PROM1: variants seen among roughly 807,000 people sequenced by gnomAD.
PROM1 encodes the protein prominin-1.
A neutral mutation model predicts 116.9 loss-of-function variants in PROM1; 105 were observed. That is an observed-to-expected ratio of 0.90 (90% CI 0.77 to 1.06). The LOEUF (loss-of-function observed/expected upper bound fraction) is 1.06. Ranked by LOEUF, PROM1 falls within the 50% of genes least tolerant of loss-of-function variation. The pLI is 0.00. For synonymous variants in PROM1, 393 were observed against 387.0 expected (o/e 1.02, Z -0.18); for missense variants, 1,122 against 1,045.2 (o/e 1.07, Z -1.01).
At chr4:16,012,480 C>T (rs2149268495) in intron 11 of PROM1, among the ~76,000 whole-genome samples, 1 of 152,300 alleles carries the variant, frequency 6.6e-6, no homozygotes, top group East Asian at 1.9e-4. Flanking sequence ...TTGTAAGCAA[C>T]CTAAGGAGCC....
At chr4:15,986,100 G>C in intron 20 of PROM1, 63 bp from the exon 21 acceptor site, 3 of 1,208,312 alleles carry the variant, frequency 2.5e-6, no homozygotes, top group Middle Eastern at 1.9e-4. Context: ...TAGACAATTT[G>C]CATATTGATT....
chr4:15,979,010 A>AGAAG (rs3839177), intron 26 of PROM1, among the ~76,000 whole-genome samples: 73,042 of 148,258 alleles, frequency 0.49, 17,912 homozygotes, highest in African/African-American at 0.58. Context: ...AAGGAAGGAA[A>AGAAG]GAAGGAAGGA....
rs950901622 is a variant in PROM1 at position 15,970,268 on chromosome 4, C to T, written c.*24+775G>A. On this transcript the variant is annotated intron_variant, in intron 27 of 27. Transcript: ENST00000447510. ...GCAACCTCTGCCTCCCAGGTTGAAG[C>T]GATTCTCCTGCCTTGGCCTCCTGAG... 1.3e-5 allele frequency among the ~76,000 whole-genome samples: 2 copies of T among 150,484 alleles called. 1 individual carries two copies. The highest frequency in any genetic ancestry group is 4.2e-4 in the South Asian group (2 of 4,776).
Position 16,075,730 on chromosome 4 carries a change from C to T in PROM1, c.177G>A (p.Val59=). The change falls in exon 2 of 28, where the codon GTG becomes GTA. Residue 59 remains valine, a synonymous_variant. Coordinates refer to ENST00000447510, the MANE Select transcript of PROM1 (RefSeq NM_006017.3). ...AGPIGILFEL[V]HIFLYVVQPR... ...GCTGTACCACATAGAGAAAGATATG[C>T]ACTAGTTCAAAGAGAATGCCAATGG... 6.2e-7 allele frequency: 1 copy of T among 1,613,702 alleles called. No individual in the cohort carries two copies. The highest frequency in any genetic ancestry group is 8.5e-7 in the Non-Finnish European group (1 of 1,179,788).
chr4:16,050,270 A>C (rs1394979729), intron 2 of PROM1, among the ~76,000 whole-genome samples: 1 of 151,664 alleles, frequency 6.6e-6, no homozygotes, highest in Non-Finnish European at 1.5e-5. Flanking sequence ...AAAAAAAAAA[A>C]ACCACACACA....
At chr4:16,041,957 C>T (rs1417802120) in intron 2 of PROM1, among the ~76,000 whole-genome samples, 13 of 151,870 alleles carry the variant, frequency 8.6e-5, no homozygotes, top group East Asian at 1.9e-4. Flanking sequence ...TACAAGTGCA[C>T]GCCACCATGC....
rs766545681 is a variant in PROM1 at position 16,033,443 on chromosome 4, G to C, written c.370C>G (p.Pro124Ala). The change falls in exon 5 of 28, where the codon CCT (proline) becomes GCT (alanine). Residue 124 changes from proline (P) to alanine (A), a missense_variant. By Grantham distance (27) the Pro-to-Ala change is conservative. Coordinates refer to ENST00000447510, the MANE Select transcript of PROM1 (RefSeq NM_006017.3). The stretch of plus-strand genomic sequence containing the variant: ...ATACAAAAGAAATACCCCACCAGAG[G>C]CATCAGAATAATAAACAGCAGCCCC... ...VLGLLFIILM[P>A]LVGYFFCMCR... The C allele has an allele frequency of 1.2e-6, 2 of 1,613,370 alleles. No individual in the cohort carries two copies. The highest frequency in any genetic ancestry group is 3.3e-5 in the Admixed American group (2 of 59,950).
intron 14 of PROM1, among the ~76,000 whole-genome samples, chr4:15,999,682 T>C (rs764244186): frequency 3.3e-5 from 5 of 152,096 alleles, no homozygotes; most frequent in African/African-American, 4.8e-5. Flanking sequence ...CAAATGGAGA[T>C]CATTTGACCT....
At chr4:15,980,048 G>A in intron 24 of PROM1, 144 bp from the exon 25 acceptor site, 1 of 615,462 alleles carries the variant, frequency 1.6e-6, no homozygotes, top group South Asian at 2.1e-5. Context: ...TAAGTGAAGT[G>A]AAAAACAAGG....
intron 2 of PROM1, among the ~76,000 whole-genome samples, chr4:16,056,777 C>T (rs1299815965): frequency 2.6e-5 from 4 of 152,084 alleles, no homozygotes; most frequent in African/African-American, 7.2e-5. Flanking sequence ...TCCAGGGAGT[C>T]GGCTGGCCTA....
At chr4:16,059,134 G>C (rs1739711988) in intron 2 of PROM1, among the ~76,000 whole-genome samples, 1 of 152,092 alleles carries the variant, frequency 6.6e-6, no homozygotes, top group Non-Finnish European at 1.5e-5. Flanking sequence ...CCTCCTAAAT[G>C]TATTATGTAA....
intron 1 of PROM1, among the ~76,000 whole-genome samples, chr4:16,078,755 G>A (rs757690474): frequency 6.6e-6 from 1 of 152,214 alleles, no homozygotes. Flanking sequence ...AATATTCCAA[G>A]TCAAAGAAAG....
At chr4:16,028,443 G>A (rs185333467) in intron 5 of PROM1, among the ~76,000 whole-genome samples, 1 of 152,140 alleles carries the variant, frequency 6.6e-6, no homozygotes, top group East Asian at 1.9e-4. Flanking sequence ...CTGGGAATCT[G>A]GATTCTTATG....
intron 1 of PROM1, among the ~76,000 whole-genome samples, chr4:16,078,724 G>C (rs1286253970): frequency 6.6e-6 from 1 of 152,216 alleles, no homozygotes; most frequent in Admixed American, 6.5e-5. Context: ...TACTTTGCAA[G>C]AAGCCAGAGG....
chr4:16,039,266 T>A (rs1269334634), intron 2 of PROM1, among the ~76,000 whole-genome samples: 1 of 152,226 alleles, frequency 6.6e-6, no homozygotes, highest in African/African-American at 2.4e-5. Context: ...TTTATCATAA[T>A]ACACCTTAAT....
At chr4:15,985,903 G>A (rs368480415) in intron 21 of PROM1, 54 bp downstream of exon 21, 12 of 125,510 alleles carry the variant, frequency 9.6e-5, no homozygotes, top group East Asian at 4.7e-4. Flanking sequence ...TATTTAATCT[G>A]TAACATTCAA....
intron 2 of PROM1, among the ~76,000 whole-genome samples, chr4:16,069,657 AG>A (rs1183379746): frequency 2.6e-5 from 4 of 152,168 alleles, no homozygotes; most frequent in Non-Finnish European, 5.9e-5. Flanking sequence ...CAATCTGTTG[AG>A]GAGAATGTAA....
intron 16 of PROM1, among the ~76,000 whole-genome samples, chr4:15,993,576 T>C (rs1721585259): frequency 2.6e-5 from 4 of 152,202 alleles, no homozygotes; most frequent in East Asian, 1.9e-4. Flanking sequence ...GTATGGACCA[T>C]GCTCCTCCAC....
chr4:16,081,123 T>G (rs1011188013), intron 1 of PROM1, among the ~76,000 whole-genome samples: 2 of 152,054 alleles, frequency 1.3e-5, no homozygotes, highest in Non-Finnish European at 2.9e-5. Flanking sequence ...TGCATGTTTG[T>G]TACATGTGTA....
Sources: allele counts gnomAD v4.1 joint callset (sites outside exome capture counted in the v4.1 genomes callset), GRCh38; gene constraint gnomAD v4.1.1; transcripts MANE v1.5; gene names NCBI Gene and HGNC (gene_info 2026-07-23, HGNC 2026-07-21).